Variants in ARHGAP22 observed in about 807,000 individuals in gnomAD.
ARHGAP22 encodes the protein Rho GTPase activating protein 22, also known as rho GTPase-activating protein 22.
In ARHGAP22, 48 loss-of-function variants were observed where a neutral mutation model predicts 59.1. That is an observed-to-expected ratio of 0.81 (90% CI 0.64 to 1.03). The LOEUF (loss-of-function observed/expected upper bound fraction) is 1.03. Ranked by LOEUF, ARHGAP22 falls within the 50% of genes least tolerant of loss-of-function variation. ARHGAP22 has a pLI of 0.00. For missense variants in ARHGAP22, 1,015 were observed against 958.7 expected, an observed-to-expected ratio of 1.06 and a Z score of -0.78; for synonymous variants, 445 against 416.4, an observed-to-expected ratio of 1.07 and a Z score of -0.84.
At chr10:48,588,226 T>C (rs561262851) in intron 1 of ARHGAP22, among the ~76,000 whole-genome samples, 1 of 152,196 alleles carries the variant, frequency 6.6e-6, no homozygotes, top group South Asian at 2.1e-4. Flanking sequence ...TGGTCTCTAC[T>C]TCAGTAGATG....
intron 4 of ARHGAP22, 37 bp from the exon 5 acceptor site, chr10:48,459,928 C>G (rs763212507): frequency 6.3e-7 from 1 of 1,593,418 alleles, no homozygotes; most frequent in East Asian, 2.3e-5. Context: ...CCCTCCACCA[C>G]CCAGCTCAGT....
chr10:48,576,454 A>G (rs1250687648), intron 2 of ARHGAP22, among the ~76,000 whole-genome samples: 3 of 152,252 alleles, frequency 2.0e-5, no homozygotes, highest in Non-Finnish European at 4.4e-5. Context: ...GACTTACATG[A>G]AGATAGTCTC....
At chr10:48,654,868 C>A (rs1020766493), upstream of ARHGAP22, among the ~76,000 whole-genome samples, 17 of 121,988 alleles carry the variant, frequency 1.4e-4, no homozygotes. Flanking sequence ...TCTTTCTTTC[C>A]TTCTTTCTTT....
At chr10:48,655,342 A>G (rs1020149441), upstream of ARHGAP22, among the ~76,000 whole-genome samples, 7 of 149,912 alleles carry the variant, frequency 4.7e-5, no homozygotes, top group African/African-American at 1.7e-4. Flanking sequence ...GACCTTTACC[A>G]ACCTCAGCCT....
chr10:48,490,629 C>A (rs541764569), intron 3 of ARHGAP22, among the ~76,000 whole-genome samples: 4 of 152,224 alleles, frequency 2.6e-5, no homozygotes, highest in African/African-American at 9.7e-5. Flanking sequence ...GTTCCCACTT[C>A]GGTGGCCACA....
In ARHGAP22 at chr10:48,604,885, T is replaced by A; in HGVS notation, c.-89A>T. The A allele has an allele frequency of 6.2e-7, 1 of 1,600,960 alleles. No individual in the cohort carries two copies. The highest frequency in any genetic ancestry group is 1.1e-5 in the South Asian group (1 of 90,376). On this transcript the variant is annotated 5_prime_UTR_variant, in exon 1 of 10. An upstream start codon of the reference 5' UTR is lost. Transcript: ENST00000249601. Reference sequence around the variant, plus strand: ...CGTCCTCGCGCCTAGTCGCCCCTCATGTCCTGCTCGTTCGGGGCCCCGTGG... The same window carrying A: ...CGTCCTCGCGCCTAGTCGCCCCTCAAGTCCTGCTCGTTCGGGGCCCCGTGG...
upstream of ARHGAP22, among the ~76,000 whole-genome samples, chr10:48,655,257 G>GGC (rs2062770166): frequency 9.2e-5 from 1 of 10,874 alleles, no homozygotes; most frequent in Non-Finnish European, 2.2e-4. Flanking sequence ...GTGTGTGTGT[G>GGC]GGGGGGGGGG....
At chr10:48,638,813 G>T (rs554308401) in intron 1 of ARHGAP22, among the ~76,000 whole-genome samples, 1 of 152,224 alleles carries the variant, frequency 6.6e-6, no homozygotes, top group South Asian at 2.1e-4. Flanking sequence ...ATGCCTGCAA[G>T]ATCGTGCCTA....
intron 1 of ARHGAP22, among the ~76,000 whole-genome samples, chr10:48,649,142 C>T (rs553297132): frequency 6.6e-6 from 1 of 152,208 alleles, no homozygotes; most frequent in Non-Finnish European, 1.5e-5. Flanking sequence ...GAGAACAAGT[C>T]CAAGTTTCTG....
In ARHGAP22 at chr10:48,446,629, C is replaced by T; in HGVS notation, c.1869-10G>A. ...ACTCCCTTCTTCGATTCTGAAAAGT[C>T]AAGGAGAGATGCTGTTTGAGACTCT... On this transcript the variant is annotated splice_polypyrimidine_tract_variant and intron_variant, in intron 9 of 9. Transcript: ENST00000249601. 1 of 1,612,214 alleles carries T rather than the reference C, an allele frequency of 6.2e-7. No homozygotes were observed. The highest frequency in any genetic ancestry group is 8.5e-7 in the Non-Finnish European group (1 of 1,178,848).
In ARHGAP22 at chr10:48,580,800, G is replaced by T. The variant is rs891566426; in HGVS notation, c.234+2153C>A. ...GGTGAGGGCAGGGCTGGGTGGGCTT[G>T]TTGGCTCAGATTTGAGTATCCAGTG... On this transcript the variant is annotated intron_variant, in intron 2 of 9. Coordinates refer to ENST00000249601, the MANE Select transcript of ARHGAP22 (RefSeq NM_021226.4). Among the ~76,000 whole-genome samples the T allele has an allele frequency of 2.0e-5, 3 of 152,280 alleles. No homozygotes were observed. In the Middle Eastern group the frequency reaches 0.01, roughly 518 times the overall value.
At chr10:48,491,990 C>T (rs2050444048) in intron 3 of ARHGAP22, among the ~76,000 whole-genome samples, 1 of 152,188 alleles carries the variant, frequency 6.6e-6, no homozygotes, top group African/African-American at 2.4e-5. Flanking sequence ...AGGCTTTCTC[C>T]CCTCTGAGCT....
chr10:48,600,379 G>A (rs765677529), intron 1 of ARHGAP22, among the ~76,000 whole-genome samples: 2 of 152,120 alleles, frequency 1.3e-5, no homozygotes, highest in African/African-American at 2.4e-5. Context: ...GGGTGACTGG[G>A]AAGACACAGG....
chr10:48,463,241 G>A (rs1377009721), intron 4 of ARHGAP22, among the ~76,000 whole-genome samples: 1 of 152,126 alleles, frequency 6.6e-6, no homozygotes, highest in Non-Finnish European at 1.5e-5. Context: ...CTTCCAACCT[G>A]GCCCATGCTC....
intron 3 of ARHGAP22, among the ~76,000 whole-genome samples, chr10:48,480,496 C>T (rs2049187647): frequency 6.6e-6 from 1 of 152,190 alleles, no homozygotes; most frequent in African/African-American, 2.4e-5. Flanking sequence ...TGTCTTTATA[C>T]ATCCTACCCC....
At chr10:48,489,265 C>A (rs1166410054) in intron 3 of ARHGAP22, among the ~76,000 whole-genome samples, 3 of 152,176 alleles carry the variant, frequency 2.0e-5, no homozygotes, top group African/African-American at 7.2e-5. Context: ...TCATAGACAC[C>A]CTAGGAAGGA....
intron 1 of ARHGAP22, among the ~76,000 whole-genome samples, chr10:48,593,962 T>G (rs1323581307): frequency 6.6e-6 from 1 of 152,224 alleles, no homozygotes; most frequent in East Asian, 1.9e-4. Flanking sequence ...GTACATTTCA[T>G]GAAGGGAATG....
At position 48,648,772 on chromosome 10, in the gene ARHGAP22, C is replaced by T. The variant is rs191342948; in HGVS notation, c.52+3462G>A. Among the ~76,000 whole-genome samples the T allele has an allele frequency of 8.9e-4, 136 of 152,180 alleles. 1 individual carries two copies. The highest frequency in any genetic ancestry group is 3.2e-3 in the African/African-American group (134 of 41,510). On this transcript the variant is annotated intron_variant, in intron 1 of 9. Transcript: ENST00000435790. ...CACTGCTGGTGCAGAGCAGGCGCAG[C>T]GGGGTGGGGGAGCGTGGGGTGCTTG... is the stretch of plus-strand genomic sequence containing the variant.
At chr10:48,568,363 C>T (rs373738961) in intron 2 of ARHGAP22, among the ~76,000 whole-genome samples, 96 of 152,346 alleles carry the variant, frequency 6.3e-4, no homozygotes, top group South Asian at 6.0e-3. Context: ...AGTTTGCAAA[C>T]GACCCTGCTT....
Sources: gnomAD v4.1 joint callset for allele counts (sites outside exome capture counted in the v4.1 genomes callset) on GRCh38, gnomAD v4.1.1 for gene constraint, MANE v1.5 for transcripts, NCBI Gene and HGNC (gene_info 2026-07-23, HGNC 2026-07-21) for gene names.